Variants in RABEP1 observed in about 807,000 individuals in gnomAD.
RABEP1 encodes the protein rabaptin, RAB GTPase binding effector protein 1, also known as rab GTPase-binding effector protein 1.
In RABEP1, 51 loss-of-function variants were observed where a neutral mutation model predicts 123.4. The observed-to-expected ratio is 0.41, with a 90% CI of 0.33 to 0.52. RABEP1 has a LOEUF of 0.52. Among genes scored for constraint, RABEP1 ranks in the 20% least tolerant of loss-of-function variants. The pLI is 0.16. For missense variants in RABEP1, 888 were observed against 996.3 expected, an observed-to-expected ratio of 0.89 and a Z score of 1.46; for synonymous variants, 347 against 355.2, an observed-to-expected ratio of 0.98 and a Z score of 0.26.
intron 1 of RABEP1, among the ~76,000 whole-genome samples, chr17:5,294,137 G>T (rs994666099): frequency 6.6e-6 from 1 of 152,138 alleles, no homozygotes; most frequent in Non-Finnish European, 1.5e-5. Context: ...ACCATCTGGG[G>T]ATTGAAAATA....
chr17:5,297,944 A>C (rs1375900270), intron 1 of RABEP1, among the ~76,000 whole-genome samples: 1 of 152,224 alleles, frequency 6.6e-6, no homozygotes, highest in Non-Finnish European at 1.5e-5. Flanking sequence ...GTTTCCTCCC[A>C]AGTGTTAACA....
At chr17:5,293,598 A>C (rs566692680) in intron 1 of RABEP1, among the ~76,000 whole-genome samples, 1 of 151,998 alleles carries the variant, frequency 6.6e-6, no homozygotes, top group African/African-American at 2.4e-5. Context: ...GTACAGACAG[A>C]ATCTCCCTTT....
intron 1 of RABEP1, among the ~76,000 whole-genome samples, chr17:5,284,306 A>G (rs1597318519): frequency 6.6e-6 from 1 of 152,224 alleles, no homozygotes; most frequent in East Asian, 1.9e-4. Flanking sequence ...CTATTTCTCA[A>G]ATCTTGTGAC....
Position 5,282,427 on chromosome 17 carries a change from C to T in RABEP1, c.-60C>T. The T allele has an allele frequency of 3.9e-6, 5 of 1,270,740 alleles. No individual in the cohort carries two copies. The highest frequency in any genetic ancestry group is 2.9e-5 in the Admixed American group (1 of 34,462). The allele number at this position is 1,270,740 out of a possible 1,614,324, so 78.7% of individuals were successfully genotyped here. ...ACGCCTCCTCCGCCAGCTGAGCCCG[C>T]GGGAGCCCAGGACGCCGCTTCCCCG... is the stretch of plus-strand genomic sequence containing the variant. On this transcript the variant is annotated 5_prime_UTR_variant, in exon 1 of 18. Coordinates refer to ENST00000537505, the MANE Select transcript of RABEP1 (RefSeq NM_004703.6).
chr17:5,324,186 T>C (rs1425015921), intron 2 of RABEP1, among the ~76,000 whole-genome samples: 3 of 152,142 alleles, frequency 2.0e-5, no homozygotes, highest in Non-Finnish European at 4.4e-5. Flanking sequence ...CATTAAAATT[T>C]ACTACAAAGC....
chr17:5,332,596 A>ATTTTTTTT (rs553120401), intron 3 of RABEP1, among the ~76,000 whole-genome samples: 2 of 105,894 alleles, frequency 1.9e-5, no homozygotes, highest in African/African-American at 7.3e-5. Context: ...ACGTTTTAGA[A>ATTTTTTTT]TTTTTTTTTT....
At chr17:5,367,353 C>G (rs1046779958) in intron 11 of RABEP1, among the ~76,000 whole-genome samples, 16 of 151,658 alleles carry the variant, frequency 1.1e-4, no homozygotes, top group South Asian at 2.1e-4. Flanking sequence ...CTCACTGCAA[C>G]GTCTGCCTCC....
chr17:5,380,064 G>T (rs899830112), intron 15 of RABEP1, among the ~76,000 whole-genome samples: 2 of 152,124 alleles, frequency 1.3e-5, no homozygotes, highest in African/African-American at 4.8e-5. Flanking sequence ...ATCTCCTCTA[G>T]GAAGTCCTTT....
At chr17:5,343,530 A>G (rs1907793206) in intron 5 of RABEP1, among the ~76,000 whole-genome samples, 1 of 152,112 alleles carries the variant, frequency 6.6e-6, no homozygotes, top group Admixed American at 6.5e-5. Flanking sequence ...ACTGCACTCC[A>G]GCCCGGGAGA....
chr17:5,312,284 G>T (rs1275055217), intron 2 of RABEP1, among the ~76,000 whole-genome samples: 1 of 152,154 alleles, frequency 6.6e-6, no homozygotes, highest in Non-Finnish European at 1.5e-5. Context: ...GAGTAGCAGG[G>T]ATTACAGGTG....
chr17:5,378,274 G>A, intron 15 of RABEP1, 42 bp downstream of exon 15: 1 of 1,476,254 alleles, frequency 6.8e-7, no homozygotes, highest in African/African-American at 1.4e-5. Flanking sequence ...GCAACCAGTG[G>A]TTATTTACTG....
rs539077989 is a variant in RABEP1, at chr17:5,366,795, T to G, written c.1785+1557T>G. ...TTTAATGAACAGAAGTCCTTAATAA[T>G]GTAGTCAAATTTGGCCGGGCACGGT... On this transcript the variant is annotated intron_variant, in intron 11 of 17. Transcript: ENST00000537505. 7.3e-5 allele frequency among the ~76,000 whole-genome samples: 11 copies of G among 151,670 alleles called. No homozygotes were observed. The East Asian group carries it at 1.8e-3, about 24-fold the overall frequency.
chr17:5,321,327 C>T (rs1319217509), intron 2 of RABEP1, among the ~76,000 whole-genome samples: 1 of 152,210 alleles, frequency 6.6e-6, no homozygotes, highest in Admixed American at 6.5e-5. Flanking sequence ...CCTGTAGTCC[C>T]AGCTACTTGG....
chr17:5,363,471 G>T (rs1452204067), intron 10 of RABEP1, among the ~76,000 whole-genome samples: 1 of 152,056 alleles, frequency 6.6e-6, no homozygotes, highest in Non-Finnish European at 1.5e-5. Flanking sequence ...ACCTGCCTCA[G>T]CCTCCCAAAG....
At chr17:5,374,729 T>A (rs1260611431) in intron 13 of RABEP1, among the ~76,000 whole-genome samples, 1 of 152,240 alleles carries the variant, frequency 6.6e-6, no homozygotes, top group South Asian at 2.1e-4. Context: ...AACCTCTGTC[T>A]CCCAGGTTCA....
intron 8 of RABEP1, among the ~76,000 whole-genome samples, chr17:5,356,231 C>G (rs1390031309): frequency 6.6e-6 from 1 of 152,112 alleles, no homozygotes; most frequent in Non-Finnish European, 1.5e-5. Context: ...TGGTGGATCC[C>G]TGTAATCCCA....
At chr17:5,379,894 G>A (rs969725643) in intron 15 of RABEP1, among the ~76,000 whole-genome samples, 1 of 152,192 alleles carries the variant, frequency 6.6e-6, no homozygotes, top group Non-Finnish European at 1.5e-5. Flanking sequence ...CTCAGTGCCT[G>A]TGGCTCCCAA....
chr17:5,289,365 C>T (rs183244758), intron 1 of RABEP1, among the ~76,000 whole-genome samples: 17 of 147,746 alleles, frequency 1.2e-4, no homozygotes, highest in African/African-American at 3.7e-4. Context: ...TCATTTACCT[C>T]GTTTTAAAAA....
chr17:5,340,896 T>C (rs1432633222), intron 5 of RABEP1, among the ~76,000 whole-genome samples: 1 of 146,274 alleles, frequency 6.8e-6, no homozygotes, highest in Non-Finnish European at 1.5e-5. Context: ...TGCAGTGAGC[T>C]GAGATCTTGC....
Sources: gnomAD v4.1 joint callset for allele counts (sites outside exome capture counted in the v4.1 genomes callset) on GRCh38, gnomAD v4.1.1 for gene constraint, MANE v1.5 for transcripts, NCBI Gene and HGNC (gene_info 2026-07-23, HGNC 2026-07-21) for gene names.